Variants in ADORA2B observed in about 807,000 individuals in gnomAD.
ADORA2B encodes the protein adenosine receptor A2b.
ADORA2B carries 18 observed loss-of-function variants against 20.8 expected under a neutral mutation model. The observed-to-expected ratio is 0.87, with a 90% CI of 0.60 to 1.29. The LOEUF is 1.29. Among genes scored for constraint, ADORA2B ranks in the 50% most tolerant of loss-of-function variants. The pLI is 0.00. For synonymous variants in ADORA2B, 179 were observed against 178.3 expected, an observed-to-expected ratio of 1.00 and a Z score of -0.03; for missense variants, 441 against 422.7, an observed-to-expected ratio of 1.04 and a Z score of -0.38.
At chr17:15,953,481 T>G (rs1969931563) in intron 1 of ADORA2B, among the ~76,000 whole-genome samples, 1 of 152,238 alleles carries the variant, frequency 6.6e-6, no homozygotes, top group South Asian at 2.1e-4. Context: ...CGCTCTGGGC[T>G]GAGCCCTGGT....
the ADORA2B span, among the ~76,000 whole-genome samples, chr17:15,927,340 G>A: frequency 4.5e-4 from 69 of 152,228 alleles, no homozygotes; most frequent in Non-Finnish European, 6.2e-4. Context: ...AAAATTAGCC[G>A]GGCATGGTGG....
At chr17:15,933,508 T>C in the ADORA2B span, among the ~76,000 whole-genome samples, 3 of 152,204 alleles carry the variant, frequency 2.0e-5, no homozygotes, top group East Asian at 5.8e-4. Context: ...TGTAAAAGTC[T>C]TGTGCTTCTT....
chr17:15,875,651 C>G, the ADORA2B span, among the ~76,000 whole-genome samples: 1 of 152,190 alleles, frequency 6.6e-6, no homozygotes, highest in Non-Finnish European at 1.5e-5. Flanking sequence ...GGCACGATCT[C>G]GGTTCACTGC....
At chr17:15,937,147 A>G in the ADORA2B span, among the ~76,000 whole-genome samples, 2 of 152,314 alleles carry the variant, frequency 1.3e-5, no homozygotes, top group Middle Eastern at 3.4e-3. Context: ...AAATAATACA[A>G]TGTGGCAACT....
chr17:15,943,141 A>G (rs1969759232), upstream of ADORA2B, among the ~76,000 whole-genome samples: 1 of 152,218 alleles, frequency 6.6e-6, no homozygotes, highest in Admixed American at 6.5e-5. Context: ...ATTTTGATAT[A>G]TAAATCAACT....
At chr17:15,878,163 T>TTGTGTGTGTGTGTG in the ADORA2B span, among the ~76,000 whole-genome samples, 5 of 119,708 alleles carry the variant, frequency 4.2e-5, no homozygotes, top group African/African-American at 1.4e-4. Flanking sequence ...CAGATATCCT[T>TTGTGTGTGTGTGTG]TGTGTGTGTG....
At chr17:15,910,951 G>A in the ADORA2B span, among the ~76,000 whole-genome samples, 3 of 152,202 alleles carry the variant, frequency 2.0e-5, no homozygotes, top group Non-Finnish European at 4.4e-5. Context: ...TCAGGGCACC[G>A]TTTTGAAAAC....
chr17:15,867,963 G>T, the ADORA2B span, among the ~76,000 whole-genome samples: 1 of 151,566 alleles, frequency 6.6e-6, no homozygotes, highest in Non-Finnish European at 1.5e-5. Flanking sequence ...TGAGAAATCG[G>T]ATGGTTGCCG....
At chr17:15,933,295 C>T in the ADORA2B span, among the ~76,000 whole-genome samples, 59 of 152,160 alleles carry the variant, frequency 3.9e-4, no homozygotes, top group East Asian at 8.5e-3. Flanking sequence ...ATTCTGTGTC[C>T]TCTGCATTTC....
At chr17:15,884,153 A>G in the ADORA2B span, among the ~76,000 whole-genome samples, 1 of 152,134 alleles carries the variant, frequency 6.6e-6, no homozygotes, top group African/African-American at 2.4e-5. Flanking sequence ...TCCAGATGTC[A>G]TGAAGGACCT....
chr17:15,974,514 A>T, intron 1 of ADORA2B, 165 bp from the exon 2 acceptor site: 1 of 593,174 alleles, frequency 1.7e-6, no homozygotes, highest in Non-Finnish European at 2.9e-6. Context: ...AAAGCTGCTC[A>T]TCCCTGCTTG....
At chr17:15,855,389 C>T in the ADORA2B span, among the ~76,000 whole-genome samples, 1 of 151,918 alleles carries the variant, frequency 6.6e-6, no homozygotes, top group Admixed American at 6.6e-5. Context: ...CTGTGCTTGG[C>T]CTCTTGTGTA....
At chr17:15,916,987 C>T in the ADORA2B span, among the ~76,000 whole-genome samples, 3 of 152,230 alleles carry the variant, frequency 2.0e-5, no homozygotes, top group Non-Finnish European at 2.9e-5. Flanking sequence ...CCATCGGCCA[C>T]CTGTCCTGGA....
the ADORA2B span, among the ~76,000 whole-genome samples, chr17:15,876,588 C>T: frequency 2.6e-5 from 4 of 151,630 alleles, no homozygotes; most frequent in African/African-American, 7.3e-5. Context: ...TACCCTGGTC[C>T]CCTAATTATC....
At chr17:15,933,972 G>T in the ADORA2B span, among the ~76,000 whole-genome samples, 4 of 152,110 alleles carry the variant, frequency 2.6e-5, no homozygotes, top group African/African-American at 9.6e-5. Flanking sequence ...CATTGAATAC[G>T]CTATATTAGC....
chr17:15,852,458 C>T, the ADORA2B span, among the ~76,000 whole-genome samples: 2 of 151,706 alleles, frequency 1.3e-5, no homozygotes, highest in East Asian at 3.9e-4. Context: ...CAACTTATAG[C>T]CACATTAAAA....
the ADORA2B span, among the ~76,000 whole-genome samples, chr17:15,907,353 G>C: frequency 6.6e-6 from 1 of 152,238 alleles, no homozygotes; most frequent in Non-Finnish European, 1.5e-5. Context: ...TTCAGATGTT[G>C]AATCAGGGGA....
chr17:15,928,949 C>G, the ADORA2B span, among the ~76,000 whole-genome samples: 12 of 151,668 alleles, frequency 7.9e-5, no homozygotes, highest in African/African-American at 2.9e-4. Flanking sequence ...TGGGTTGTTA[C>G]GGAAGGAGAG....
the ADORA2B span, among the ~76,000 whole-genome samples, chr17:15,939,702 C>CA: frequency 8.7e-5 from 13 of 149,736 alleles, no homozygotes; most frequent in South Asian, 2.1e-4. Flanking sequence ...ACTAAAAATA[C>CA]AAAAAAAAAT....
Sources: allele counts gnomAD v4.1 joint callset (sites outside exome capture counted in the v4.1 genomes callset), GRCh38; gene constraint gnomAD v4.1.1; transcripts MANE v1.5; gene names NCBI Gene and HGNC (gene_info 2026-07-23, HGNC 2026-07-21).